The following TECTA variants were observed in gnomAD, a reference collection of about 807,000 sequenced individuals.
TECTA encodes alpha-tectorin.
In TECTA, 128 loss-of-function variants were observed where a neutral mutation model predicts 216.8. The observed-to-expected ratio is 0.59, with a 90% CI of 0.51 to 0.68. The LOEUF (loss-of-function observed/expected upper bound fraction) is 0.68, where lower values mean the gene tolerates loss of function less well. Ranked by LOEUF, TECTA falls within the 30% of genes least tolerant of loss-of-function variation. The pLI is 0.00. For synonymous variants in TECTA, 1,089 were observed against 1,117.1 expected (o/e 0.97, Z 0.50); for missense variants, 2,551 against 2,786.2 (o/e 0.92, Z 1.90).
chr11:121,154,752 A>G (rs1340849672), intron 13 of TECTA, among the ~76,000 whole-genome samples: 1 of 152,220 alleles, frequency 6.6e-6, no homozygotes, highest in East Asian at 1.9e-4. Context: ...ATACCAACAC[A>G]GTAGGGCTGT....
chr11:121,102,777 A>T lies in TECTA; in HGVS notation c.64+48A>T, dbSNP rs375404227. ...AAGCTCTCAGTTAGCATGCTCTTGA[A>T]TTGATAAAGAGACACTTTTATTGGA... On this transcript the variant is annotated intron_variant, in intron 2 of 23. Transcript: ENST00000392793. 8 of 1,518,398 alleles carry T rather than the reference A, an allele frequency of 5.3e-6. No individual in the cohort carries two copies. The African/African-American group carries it at 1.1e-4, about 21-fold the overall frequency. The allele number at this position is 1,518,398 out of a possible 1,614,324, so 94.1% of individuals were successfully genotyped here.
intron 11 of TECTA, among the ~76,000 whole-genome samples, chr11:121,139,830 CTTTTA>C (rs1946767177): frequency 6.6e-6 from 1 of 152,110 alleles, no homozygotes; most frequent in Admixed American, 6.5e-5. Context: ...AGAGGCTTGG[CTTTTA>C]GCCACATAAG....
chr11:121,182,012 T>C (rs1947234710), intron 20 of TECTA, among the ~76,000 whole-genome samples: 1 of 152,218 alleles, frequency 6.6e-6, no homozygotes, highest in Non-Finnish European at 1.5e-5. Flanking sequence ...GCATCAGTCA[T>C]GTCTGTGAGT....
At chr11:121,137,314 A>T (rs545928862) in intron 10 of TECTA, 107 bp from the exon 11 acceptor site, 35 of 1,438,668 alleles carry the variant, frequency 2.4e-5, no homozygotes, top group African/African-American at 1.4e-5. Flanking sequence ...ACACACGCAC[A>T]TGCACTCACA....
chr11:121,107,069 A>G (rs1029816007), intron 3 of TECTA, among the ~76,000 whole-genome samples: 3 of 152,226 alleles, frequency 2.0e-5, no homozygotes, highest in Non-Finnish European at 4.4e-5. Flanking sequence ...TGTTTTAATT[A>G]CACCTGTTGT....
chr11:121,164,013 G>C (rs1207338999), intron 16 of TECTA, among the ~76,000 whole-genome samples: 2 of 152,182 alleles, frequency 1.3e-5, no homozygotes, highest in Non-Finnish European at 2.9e-5. Flanking sequence ...CAGAAATTAA[G>C]ACAGGCTGAT....
intron 15 of TECTA, 25 bp downstream of exon 15, chr11:121,160,446 C>A (rs1244110505): frequency 1.2e-6 from 2 of 1,604,436 alleles, no homozygotes; most frequent in East Asian, 4.5e-5. Flanking sequence ...GTTCAAGCCA[C>A]TAGACTTGGT....
chr11:121,176,074 T>C, intron 20 of TECTA, among the ~76,000 whole-genome samples: 1 of 152,020 alleles, frequency 6.6e-6, no homozygotes. Flanking sequence ...TTTGAGCCTA[T>C]GTGTGTCTCT....
intron 20 of TECTA, among the ~76,000 whole-genome samples, chr11:121,175,158 AT>A (rs573806476): frequency 0.03 from 4,489 of 151,904 alleles, 198 homozygotes; most frequent in African/African-American, 0.1. Context: ...GGATTCATTA[AT>A]TTTTTGAAGG....
At position 121,113,613 on chromosome 11, in the gene TECTA, G is replaced by C; in HGVS notation, c.685G>C (p.Glu229Gln). 6.2e-7 allele frequency: 1 copy of C among 1,613,996 alleles called. No homozygotes were observed. Among genetic ancestry groups the C allele is most frequent in the East Asian group, 2.2e-5 (1 of 44,888 alleles). ...CAGCCTCCCGGGGTCAAGAACCCCCGAGATCGTGAATATCCAGGAGACCAC... is the reference window on the plus strand; with the variant it reads ...CAGCCTCCCGGGGTCAAGAACCCCCCAGATCGTGAATATCCAGGAGACCAC... ...FFSLPGSRTP[E>Q]IVNIQETTNV... is the part of the protein sequence containing the mutation. Residue 229 changes from glutamate (E) to glutamine (Q), a missense_variant, in exon 6 of 24, where the codon GAG becomes CAG. Physicochemically the swap from Glu to Gln is conservative, Grantham distance 29 (BLOSUM62 2). Transcript: ENST00000392793. The surrounding 1 kb of genome is among the most constrained non-coding windows in gnomAD (Gnocchi z 4.2).
Position 121,127,555 on chromosome 11 carries a change from A to G in TECTA, c.1775-197A>G, listed in dbSNP as rs996448063. 1.3e-5 allele frequency among the ~76,000 whole-genome samples: 2 copies of G among 152,112 alleles called. No homozygotes were observed. The highest frequency in any genetic ancestry group is 4.8e-5 in the African/African-American group (2 of 41,404). Reference sequence around the variant, plus strand: ...AATTCCAATAGAAGTTCACAGTCCAATCATGCTGCTCAGTAGTTATTAGGA... The same window carrying G: ...AATTCCAATAGAAGTTCACAGTCCAGTCATGCTGCTCAGTAGTTATTAGGA... On this transcript the variant is annotated intron_variant, in intron 8 of 23. Transcript: ENST00000392793. This position sits in a 1 kb window ranked among gnomAD's most constrained non-coding sequence, Gnocchi z 5.0.
At chr11:121,104,897 A>G (rs975903228) in intron 2 of TECTA, among the ~76,000 whole-genome samples, 3 of 152,172 alleles carry the variant, frequency 2.0e-5, no homozygotes, top group African/African-American at 4.8e-5. Context: ...ATTGTCTTAT[A>G]TTCATTCAGG....
intron 18 of TECTA, 84 bp from the exon 19 acceptor site, chr11:121,167,970 C>T (rs1947071555): frequency 6.6e-7 from 1 of 1,523,940 alleles, no homozygotes; most frequent in Non-Finnish European, 9.1e-7. Flanking sequence ...AGCCATTTCT[C>T]CACTTTCAGG....
intron 12 of TECTA, among the ~76,000 whole-genome samples, chr11:121,147,780 G>A (rs577828974): frequency 1.4e-3 from 209 of 152,280 alleles, no homozygotes; most frequent in Non-Finnish European, 1.7e-3. Context: ...CAGCCATGCT[G>A]TGCTGGGTGT....
Position 121,168,820 on chromosome 11 carries a change from T to C in TECTA, c.5894T>C (p.Val1965Ala), listed in dbSNP as rs890770577. 6.2e-7 allele frequency: 1 copy of C among 1,614,172 alleles called. No individual in the cohort carries two copies. The highest frequency in any genetic ancestry group is 1.6e-4 in the Middle Eastern group (1 of 6,062). Residue 1965 changes from valine (V) to alanine (A), a missense_variant, in exon 20 of 24, where the codon GTG (valine) becomes GCG (alanine). Val to Ala is a moderately conservative substitution (Grantham distance 64, BLOSUM62 0). Transcript: ENST00000392793. ...GATGTGCTGTATGTAGGGGTTTTTG[T>C]GGTTGGAGCTGACGCCACACATTTA... ...TRDVLYVGVF[V>A]VGADATHLIL...
intron 21 of TECTA, 81 bp from the exon 22 acceptor site, chr11:121,188,999 T>C: frequency 6.9e-7 from 1 of 1,459,050 alleles, no homozygotes; most frequent in Non-Finnish European, 9.6e-7. Flanking sequence ...AGCCACTGCC[T>C]CTTTTAGAGG....
chr11:121,149,547 GAT>G (rs1946870257), intron 12 of TECTA, among the ~76,000 whole-genome samples: 1 of 152,312 alleles, frequency 6.6e-6, no homozygotes, highest in Admixed American at 6.5e-5. Flanking sequence ...TGATGAGGGA[GAT>G]ATTATGATCC....
rs376308009 is a variant in TECTA, at chr11:121,178,158, C to T, written c.5999+9233C>T. 2.5e-3 allele frequency among the ~76,000 whole-genome samples: 375 copies of T among 152,342 alleles called. 2 individuals are homozygous for T. The highest frequency in any genetic ancestry group is 6.8e-3 in the Middle Eastern group (2 of 294). ...AGTGAGGCAATGCCTCGCCCTGCTT[C>T]GGCTCGTGCACGGTGCACTGCACCC... On this transcript the variant is annotated intron_variant, in intron 20 of 23. Transcript: ENST00000392793.
chr11:121,106,057 G>A, intron 3 of TECTA, 93 bp downstream of exon 3: 1 of 1,596,902 alleles, frequency 6.3e-7, no homozygotes, highest in East Asian at 2.2e-5. Context: ...CCAGAGCTCT[G>A]GGAAGGGAGG....
Sources: gnomAD v4.1 joint callset for allele counts (sites outside exome capture counted in the v4.1 genomes callset) on GRCh38, gnomAD v4.1.1 for gene constraint, Gnocchi (gnomAD v3.1) non-coding constraint, MANE v1.5 for transcripts, NCBI Gene and HGNC (gene_info 2026-07-23, HGNC 2026-07-21) for gene names.